The following FGF13 variants were observed in gnomAD, a reference collection of about 807,000 sequenced individuals.
FGF13 encodes the protein fibroblast growth factor 13, also known as fibroblast growth factor homologous factor 2.
In FGF13, 2 loss-of-function variants were observed where a neutral mutation model predicts 19.5. That is an observed-to-expected ratio of 0.10 (90% confidence interval 0.04 to 0.32). The LOEUF (loss-of-function observed/expected upper bound fraction) is 0.32. Among genes scored for constraint, FGF13 ranks in the 10% least tolerant of loss-of-function variants. The pLI is 1.00. For missense variants in FGF13, 113 were observed against 192.7 expected, an observed-to-expected ratio of 0.59 and a Z score of 2.45; for synonymous variants, 72 against 76.9, an observed-to-expected ratio of 0.94 and a Z score of 0.33.
At chrX:138,835,155 A>T (rs964727527) in intron 3 of FGF13, among the ~76,000 whole-genome samples, 1 of 111,780 alleles carries the variant, frequency 8.9e-6, no homozygotes, top group Non-Finnish European at 1.9e-5. Context: ...AGAGTTCTGT[A>T]GATATCTATT....
At chrX:139,144,715 G>A (rs1183966657) in intron 1 of FGF13, among the ~76,000 whole-genome samples, 1 of 110,974 alleles carries the variant, frequency 9.0e-6, no homozygotes, top group Non-Finnish European at 1.9e-5. Context: ...CTAGAGCAAC[G>A]ATCATCAAGC....
At chrX:138,956,141 T>C (rs1457851127) in intron 1 of FGF13, among the ~76,000 whole-genome samples, 3 of 111,861 alleles carry the variant, frequency 2.7e-5, no homozygotes, top group Non-Finnish European at 5.6e-5. Context: ...GAGCACCAGA[T>C]ACTGCTTCTT....
At chrX:138,815,522 CATCA>C (rs1194038932) in intron 3 of FGF13, among the ~76,000 whole-genome samples, 1 of 110,098 alleles carries the variant, frequency 9.1e-6, no homozygotes, top group Non-Finnish European at 1.9e-5. Flanking sequence ...GGTACTGACA[CATCA>C]ATAGAGCCCA....
intron 1 of FGF13, among the ~76,000 whole-genome samples, chrX:139,087,153 G>A (rs868705265): frequency 3.6e-5 from 4 of 111,325 alleles, no homozygotes; most frequent in African/African-American, 6.6e-5. Flanking sequence ...AAAATTAGCC[G>A]GGCGTGGCGG....
intron 1 of FGF13, among the ~76,000 whole-genome samples, chrX:139,189,888 G>A (rs775212837): frequency 1.8e-5 from 2 of 111,884 alleles, no homozygotes; most frequent in Non-Finnish European, 3.8e-5. Flanking sequence ...ATTTTCAAGA[G>A]GGATCATGTT....
In FGF13 at chrX:138,808,425, G is replaced by A. The variant is rs766515443; in HGVS notation, c.217+49087C>T. On this transcript the variant is annotated intron_variant, in intron 3 of 6. Transcript: ENST00000436198. ...AAAGACACAACATACCAGAATCTCT[G>A]GGACACATTTAAAGCAGTGTGCAGA... Among the ~76,000 whole-genome samples the A allele has an allele frequency of 2.9e-4, 32 of 111,865 alleles. 1 individual carries two copies. The South Asian group carries it at 0.012, about 40-fold the overall frequency.
chrX:138,843,828 C>T (rs2091165047), intron 3 of FGF13, among the ~76,000 whole-genome samples: 2 of 111,558 alleles, frequency 1.8e-5, no homozygotes, highest in South Asian at 3.7e-4. Context: ...CTATTTCCTC[C>T]CTTGAGGCTA....
At chrX:138,688,450 T>G (rs2089806957) in intron 3 of FGF13, among the ~76,000 whole-genome samples, 1 of 111,631 alleles carries the variant, frequency 9.0e-6, no homozygotes, top group Non-Finnish European at 1.9e-5. Flanking sequence ...TATTGTATCT[T>G]TCAAAATAGC....
At chrX:139,160,162 A>G (rs1240052152) in intron 1 of FGF13, among the ~76,000 whole-genome samples, 14 of 112,270 alleles carry the variant, frequency 1.2e-4, no homozygotes, top group African/African-American at 4.5e-4. Context: ...AGTGCAATCA[A>G]ATTAAAACTC....
intron 1 of FGF13, among the ~76,000 whole-genome samples, chrX:138,906,573 G>A (rs760136952): frequency 1.2e-4 from 13 of 111,656 alleles, no homozygotes; most frequent in Non-Finnish European, 2.1e-4. Flanking sequence ...GTAGCGATAC[G>A]TACAGGAAAG....
At chrX:138,910,946 C>G (rs753369265) in intron 1 of FGF13, among the ~76,000 whole-genome samples, 1 of 110,749 alleles carries the variant, frequency 9.0e-6, no homozygotes, top group South Asian at 3.9e-4. Flanking sequence ...TGTCAGTATC[C>G]CAGTGCAGGA....
chrX:139,133,651 G>C (rs1221721460), intron 1 of FGF13, among the ~76,000 whole-genome samples: 1 of 111,002 alleles, frequency 9.0e-6, no homozygotes, highest in Non-Finnish European at 1.9e-5. Flanking sequence ...ATTCACTGGG[G>C]GCTGTGGTAC....
chrX:138,757,638 A>G (rs1464302346), intron 3 of FGF13, among the ~76,000 whole-genome samples: 2 of 111,246 alleles, frequency 1.8e-5, no homozygotes, highest in African/African-American at 6.5e-5. Flanking sequence ...AAGACACCAA[A>G]AAATGCCCAA....
intron 3 of FGF13, among the ~76,000 whole-genome samples, chrX:138,670,693 T>C (rs1270821944): frequency 9.0e-6 from 1 of 111,546 alleles, no homozygotes; most frequent in African/African-American, 3.3e-5. Flanking sequence ...TTTGGGGTGA[T>C]GTTTTATTTC....
intron 1 of FGF13, among the ~76,000 whole-genome samples, chrX:138,720,528 C>T (rs1168914425): frequency 9.0e-6 from 1 of 111,443 alleles, no homozygotes; most frequent in Non-Finnish European, 1.9e-5. Flanking sequence ...AGTGACTGTC[C>T]CTGGCCTCAA....
chrX:139,162,742 G>GAC (rs1282127434), intron 1 of FGF13, among the ~76,000 whole-genome samples: 4 of 112,057 alleles, frequency 3.6e-5, no homozygotes, highest in African/African-American at 1.3e-4. Context: ...GATATGAACA[G>GAC]ACACTTCTCA....
At position 138,711,184 on chromosome X, in the gene FGF13, C is replaced by T; in HGVS notation, c.-181G>A. On this transcript the variant is annotated 5_prime_UTR_variant, in exon 1 of 5. Coordinates refer to ENST00000315930, the MANE Select transcript of FGF13 (RefSeq NM_004114.5). ...CCAAGGAGGGGGCTCAGCATGCCGT[C>T]CGAGCTCCTCCGGCGGCGGTCCGGC... 1 of 1,061,100 alleles carries T rather than the reference C, an allele frequency of 9.4e-7. No individual in the cohort carries two copies. Among genetic ancestry groups the T allele is most frequent in the Non-Finnish European group, 1.2e-6 (1 of 827,451 alleles). 87.4% of individuals were successfully genotyped at this position (1,061,100 alleles called of 1,213,427 possible).
intron 1 of FGF13, among the ~76,000 whole-genome samples, chrX:139,091,063 G>A (rs756961953): frequency 3.5e-4 from 39 of 110,509 alleles, no homozygotes; most frequent in African/African-American, 1.3e-3. Context: ...AAAAGCAGAG[G>A]CTATCTCTTG....
chrX:138,704,719 A>C (rs2089978742), intron 2 of FGF13, among the ~76,000 whole-genome samples: 1 of 112,380 alleles, frequency 8.9e-6, no homozygotes, highest in African/African-American at 3.2e-5. Context: ...TTCAAAAGAC[A>C]AGTGTTCCTA....
Sources: gnomAD v4.1 joint callset for allele counts (sites outside exome capture counted in the v4.1 genomes callset) on GRCh38, gnomAD v4.1.1 for gene constraint, MANE v1.5 for transcripts, NCBI Gene and HGNC (gene_info 2026-07-23, HGNC 2026-07-21) for gene names.